Variants in MATN2 observed in about 807,000 individuals in gnomAD.
MATN2 encodes matrilin-2.
In MATN2, 69 loss-of-function variants were observed where a neutral mutation model predicts 103.2. The observed-to-expected ratio is 0.67, with a 90% CI of 0.55 to 0.82. MATN2 has a LOEUF of 0.82. MATN2 is among the 40% of genes least tolerant of loss of function. The probability of loss-of-function intolerance (pLI) is 0.00; values close to 1 mark genes in which losing one functional copy is unlikely to be tolerated. For missense variants in MATN2, 1,023 were observed against 1,211.5 expected, an observed-to-expected ratio of 0.84 and a Z score of 2.31; for synonymous variants, 429 against 450.2, an observed-to-expected ratio of 0.95 and a Z score of 0.60.
chr8:97,974,719 A>G (rs1233054178), intron 5 of MATN2, among the ~76,000 whole-genome samples: 4 of 152,248 alleles, frequency 2.6e-5, no homozygotes, highest in African/African-American at 9.6e-5. Context: ...TGCTGGGATT[A>G]CAGGCTTGAG....
chr8:97,927,832 A>G (rs186751509), intron 2 of MATN2, among the ~76,000 whole-genome samples: 18 of 152,312 alleles, frequency 1.2e-4, no homozygotes, highest in African/African-American at 4.3e-4. Flanking sequence ...TATTGACACC[A>G]TGACTAAGAC....
At chr8:98,006,652 T>C (rs1370230220) in intron 8 of MATN2, among the ~76,000 whole-genome samples, 2 of 152,202 alleles carry the variant, frequency 1.3e-5, no homozygotes, top group African/African-American at 2.4e-5. Flanking sequence ...GAAATGGGAA[T>C]TGCACCTGCT....
At chr8:98,016,411 G>T in intron 10 of MATN2, 129 bp from the exon 11 acceptor site, 1 of 793,360 alleles carries the variant, frequency 1.3e-6, no homozygotes, top group Non-Finnish European at 2.0e-6. Flanking sequence ...TTTATATTCT[G>T]AAATGTGTAC....
chr8:97,977,905 C>T (rs1443176007), intron 5 of MATN2, among the ~76,000 whole-genome samples: 1 of 152,170 alleles, frequency 6.6e-6, no homozygotes, highest in African/African-American at 2.4e-5. Flanking sequence ...TTCCTAACCA[C>T]CCACCTTCTC....
At chr8:97,877,032 G>A (rs907867254) in intron 1 of MATN2, among the ~76,000 whole-genome samples, 13 of 139,310 alleles carry the variant, frequency 9.3e-5, no homozygotes, top group African/African-American at 3.5e-4. Context: ...TTGAGATAAG[G>A]TCTCTGTCTG....
chr8:98,022,241 T>C lies in MATN2; in HGVS notation c.1942+914T>C, dbSNP rs150140020. ...AAAAAGCATGGTGCTGAATGTTTTT[T>C]ATAGTATGTTACCATCGATATATTT... On this transcript the variant is annotated intron_variant, in intron 13 of 18. Coordinates refer to ENST00000254898, the MANE Select transcript of MATN2 (RefSeq NM_002380.5). Among the ~76,000 whole-genome samples the C allele has an allele frequency of 1.1e-3, 164 of 152,322 alleles. 6 individuals carry two copies. In the East Asian group the frequency reaches 0.027, roughly 25 times the overall value.
intron 2 of MATN2, among the ~76,000 whole-genome samples, chr8:97,900,914 A>C (rs191525095): frequency 6.6e-6 from 1 of 152,106 alleles, no homozygotes; most frequent in Non-Finnish European, 1.5e-5. Flanking sequence ...CAGCCTGGGC[A>C]ACAGAGCGAG....
chr8:98,033,664 C>A lies in MATN2; in HGVS notation c.2815+5C>A, dbSNP rs781194009. The A allele has an allele frequency of 1.3e-6, 2 of 1,554,174 alleles. No individual in the cohort carries two copies. Among genetic ancestry groups the A allele is most frequent in the South Asian group, 1.2e-5 (1 of 86,688 alleles). ...TAAGAAAATTAACACAGCGCTATAT[C>A]CTTTTCTTGCATTATGCTTCTGTAT... On this transcript the variant is annotated splice_donor_5th_base_variant and intron_variant, in intron 18 of 18. Coordinates refer to ENST00000254898, the MANE Select transcript of MATN2 (RefSeq NM_002380.5).
At chr8:98,034,737 A>G (rs1417141812) in intron 18 of MATN2, among the ~76,000 whole-genome samples, 1 of 152,186 alleles carries the variant, frequency 6.6e-6, no homozygotes, top group African/African-American at 2.4e-5. Context: ...GGCCTTATGT[A>G]GCATCATGGT....
chr8:97,885,896 C>T (rs1818408647), intron 1 of MATN2, among the ~76,000 whole-genome samples: 1 of 152,224 alleles, frequency 6.6e-6, no homozygotes, highest in African/African-American at 2.4e-5. Context: ...GGAATTAGTC[C>T]ATGGTCTGTT....
rs1418760283 is a variant in MATN2, at chr8:98,007,430, C to T, written c.1451-49C>T. 5.7e-6 allele frequency: 9 copies of T among 1,591,674 alleles called. No individual in the cohort carries two copies. Among genetic ancestry groups the T allele is most frequent in the Middle Eastern group, 3.3e-4 (2 of 5,986 alleles). On this transcript the variant is annotated intron_variant, in intron 9 of 18. Transcript: ENST00000254898. This position sits in a 1 kb window ranked among gnomAD's most constrained non-coding sequence, Gnocchi z 4.2. ...GACGGTCACTTGATCCAATCACTGT[C>T]GCCCAGAGGTCTCACTGATAAAGGG...
intron 1 of MATN2, among the ~76,000 whole-genome samples, chr8:97,875,632 A>T (rs935928019): frequency 6.7e-6 from 1 of 148,574 alleles, no homozygotes; most frequent in East Asian, 2.0e-4. Flanking sequence ...TGTCTGCTTT[A>T]TCTTACTTTA....
intron 1 of MATN2, among the ~76,000 whole-genome samples, chr8:97,880,036 TATTG>T (rs1409321232): frequency 6.6e-6 from 1 of 152,048 alleles, no homozygotes; most frequent in East Asian, 1.9e-4. Context: ...TTGGCAAAAC[TATTG>T]AGCCTGATGT....
At chr8:97,962,319 G>A (rs758422872) in intron 5 of MATN2, among the ~76,000 whole-genome samples, 3 of 152,202 alleles carry the variant, frequency 2.0e-5, no homozygotes, top group African/African-American at 4.8e-5. Context: ...TGTCTTCCGT[G>A]TTCTATTGTT....
At chr8:97,922,003 C>T (rs920268895) in intron 2 of MATN2, among the ~76,000 whole-genome samples, 6 of 152,182 alleles carry the variant, frequency 3.9e-5, no homozygotes, top group Non-Finnish European at 8.8e-5. Context: ...CTCACACAAG[C>T]GCAAACCCTA....
In MATN2 at chr8:97,889,459, C is replaced by CTATATATATATATATATATATATATATA. The variant is rs56115197; in HGVS notation, c.142+1220_142+1247dup. Among the ~76,000 whole-genome samples the CTATATATATATATATATATATATATATA allele has an allele frequency of 8.1e-4, 100 of 123,334 alleles. 4 individuals carry two copies. Among genetic ancestry groups the CTATATATATATATATATATATATATATA allele is most frequent in the South Asian group, 3.1e-3 (10 of 3,232 alleles). The allele number at this position is 123,334 out of a possible 152,430, so 80.9% of individuals were successfully genotyped here. On this transcript the variant is annotated intron_variant, in intron 2 of 18. Coordinates refer to ENST00000254898, the MANE Select transcript of MATN2 (RefSeq NM_002380.5). ...AACATCTCTCTCTCTCTCTCTCTGTCTATATATATATATATATATATATAT... is the reference window on the plus strand; with the variant it reads ...AACATCTCTCTCTCTCTCTCTCTGTCTATATATATATATATATATATATATATATATATATATATATATATATATATAT...
At chr8:97,941,640 T>C (rs1810571238) in intron 3 of MATN2, 137 bp from the exon 4 acceptor site, 1 of 909,568 alleles carries the variant, frequency 1.1e-6, no homozygotes, top group South Asian at 1.6e-5. Flanking sequence ...GTGAGCCCCC[T>C]TGAGGGTAGG....
rs1814237062 is a variant in MATN2, at chr8:98,035,983, A to C, written c.*271A>C. The C allele has an allele frequency of 6.6e-6, 2 of 304,212 alleles. No homozygotes were observed. The highest frequency in any genetic ancestry group is 1.0e-4 in the Admixed American group (2 of 19,982). 18.8% of individuals were successfully genotyped at this position (304,212 alleles called of 1,614,324 possible). ...CAAGGTATTTTGTAATATACTGTGG[A>C]CACAACTTGCTTCTGCCTCATCCTG... On this transcript the variant is annotated 3_prime_UTR_variant, in exon 19 of 19. Transcript: ENST00000254898.
At chr8:98,015,897 T>C (rs1813342322) in intron 10 of MATN2, among the ~76,000 whole-genome samples, 1 of 152,194 alleles carries the variant, frequency 6.6e-6, no homozygotes, top group African/African-American at 2.4e-5. Context: ...ACTGAATACA[T>C]GAATGAATTG....
Sources: gnomAD v4.1 joint callset for allele counts (sites outside exome capture counted in the v4.1 genomes callset) on GRCh38, gnomAD v4.1.1 for gene constraint, Gnocchi (gnomAD v3.1) non-coding constraint, MANE v1.5 for transcripts, NCBI Gene and HGNC (gene_info 2026-07-23, HGNC 2026-07-21) for gene names.